The following H2BC1 variants were observed in gnomAD, a reference collection of about 807,000 sequenced individuals.
The protein encoded by H2BC1 is H2B clustered histone 1, also known as histone H2B type 1-A.
A neutral mutation model predicts 5.4 loss-of-function variants in H2BC1; 5 were observed. That is an observed-to-expected ratio of 0.92 (90% confidence interval 0.48 to 1.94). H2BC1 has a LOEUF of 1.94. H2BC1 is among the 30% of genes most tolerant of loss of function. The pLI is 0.01. For synonymous variants in H2BC1, 131 were observed against 58.2 expected (o/e 2.25, Z -5.69); for missense variants, 210 against 159.1 (o/e 1.32, Z -1.72).
rs368330635 is a variant in H2BC1, at chr6:25,726,803, C to T, written c.-106C>T. On this transcript the variant is annotated 5_prime_UTR_variant, in exon 1 of 1. Coordinates refer to ENST00000274764, the MANE Select transcript of H2BC1 (RefSeq NM_170610.3). ...TTTGTTTACTTGGCGAGACTTGGAG[C>T]TGAGGTCATTTGGAGCTGTTTAATA... 5.4e-5 allele frequency: 74 copies of T among 1,363,068 alleles called. No homozygotes were observed. Among genetic ancestry groups the T allele is most frequent in the African/African-American group, 1.0e-4 (7 of 68,706 alleles). 84.4% of individuals were successfully genotyped at this position (1,363,068 alleles called of 1,614,324 possible).
rs1043050690 is a variant in H2BC1 at position 25,726,819 on chromosome 6, C to T, written c.-90C>T. The T allele has an allele frequency of 4.6e-5, 65 of 1,426,232 alleles. No individual in the cohort carries two copies. Among genetic ancestry groups the T allele is most frequent in the African/African-American group, 1.0e-4 (7 of 69,920 alleles). 88.3% of individuals were successfully genotyped at this position (1,426,232 alleles called of 1,614,324 possible). ...GACTTGGAGCTGAGGTCATTTGGAG[C>T]TGTTTAATACTGAAGAGCTGTTGAG... On this transcript the variant is annotated 5_prime_UTR_variant, in exon 1 of 1. Coordinates refer to ENST00000274764, the MANE Select transcript of H2BC1 (RefSeq NM_170610.3).
rs781301296 is a variant in H2BC1 at position 25,726,859 on chromosome 6, G to A, written c.-50G>A. 5 of 1,566,484 alleles carry A rather than the reference G, an allele frequency of 3.2e-6. No individual in the cohort carries two copies. Among genetic ancestry groups the A allele is most frequent in the East Asian group, 2.2e-5 (1 of 44,606 alleles). On this transcript the variant is annotated 5_prime_UTR_variant, in exon 1 of 1. It adds an upstream start codon to the 5' untranslated region. Coordinates refer to ENST00000274764, the MANE Select transcript of H2BC1 (RefSeq NM_170610.3). ...GAGCTGTTGAGCACTGGAAAGTGCT[G>A]TGTAACCCTGGAAAAGAACCGTGTA...
rs538199092 is a variant in H2BC1 at position 25,726,847 on chromosome 6, C to T, written c.-62C>T. On this transcript the variant is annotated 5_prime_UTR_variant, in exon 1 of 1. Coordinates refer to ENST00000274764, the MANE Select transcript of H2BC1 (RefSeq NM_170610.3). ...TTTAATACTGAAGAGCTGTTGAGCACTGGAAAGTGCTGTGTAACCCTGGAA... is the reference window on the plus strand; with the variant it reads ...TTTAATACTGAAGAGCTGTTGAGCATTGGAAAGTGCTGTGTAACCCTGGAA... 6.8e-5 allele frequency: 105 copies of T among 1,542,868 alleles called. 1 individual carries two copies. The Middle Eastern group carries it at 1.2e-3, about 18-fold the overall frequency.
chr6:25,727,192 A>G lies in H2BC1; in HGVS notation c.284A>G (p.Glu95Gly), dbSNP rs1414423570. 1.2e-5 allele frequency: 20 copies of G among 1,614,132 alleles called. No individual in the cohort carries two copies. The highest frequency in any genetic ancestry group is 1.7e-5 in the Non-Finnish European group (20 of 1,180,024). The change falls in exon 1 of 1, where the codon GAG (glutamate) becomes GGG (glycine). Residue 95 changes from glutamate (E) to glycine (G), a missense_variant. Physicochemically the swap from Glu to Gly is moderately conservative, Grantham distance 98. Transcript: ENST00000274764. ...YSKRSTISSR[E>G]IQTAVRLLLP... ...AAGCGCTCCACCATTTCTTCCAGAGAGATTCAGACAGCAGTGCGCTTGCTA... is the reference window on the plus strand; with the variant it reads ...AAGCGCTCCACCATTTCTTCCAGAGGGATTCAGACAGCAGTGCGCTTGCTA...
In H2BC1 at chr6:25,726,899, T is replaced by C. The variant is rs1760271472; in HGVS notation, c.-10T>C. 8 of 1,607,602 alleles carry C rather than the reference T, an allele frequency of 5.0e-6. No individual in the cohort carries two copies. The highest frequency in any genetic ancestry group is 1.3e-5 in the African/African-American group (1 of 74,710). ...AGAACCGTGTAACGCTGCAGAAGTG[T>C]GTGGTAGCTATGCCGGAGGTGTCAT... On this transcript the variant is annotated 5_prime_UTR_variant, in exon 1 of 1. Transcript: ENST00000274764.
rs376615409 is a variant in H2BC1 at position 25,727,082 on chromosome 6, G to C, written c.174G>C (p.Ser58=). 3 of 1,614,092 alleles carry C rather than the reference G, an allele frequency of 1.9e-6. No homozygotes were observed. The highest frequency in any genetic ancestry group is 1.1e-5 in the South Asian group (1 of 91,086). ...TCCATCCGGACACTGGCATCTCTTC[G>C]AAAGCTATGAGCATTATGAATTCCT... ...KQVHPDTGIS[S]KAMSIMNSFV... is the part of the protein sequence containing the mutation. Residue 58 remains serine (S), a synonymous_variant, in exon 1 of 1, where the codon TCG becomes TCC. Transcript: ENST00000274764.
At position 25,727,319 on chromosome 6, in the gene H2BC1, C is replaced by G. The variant is rs770060140; in HGVS notation, c.*27C>G. ...CCTGCTAAGTAAACGTCATTTCTAACCCAAAGGCTCTTTTCAGAGCCACTT... is the reference window on the plus strand; with the variant it reads ...CCTGCTAAGTAAACGTCATTTCTAAGCCAAAGGCTCTTTTCAGAGCCACTT... On this transcript the variant is annotated 3_prime_UTR_variant, in exon 1 of 1. Coordinates refer to ENST00000274764, the MANE Select transcript of H2BC1 (RefSeq NM_170610.3). 1.0e-5 allele frequency: 16 copies of G among 1,549,156 alleles called. No individual in the cohort carries two copies. Among genetic ancestry groups the G allele is most frequent in the South Asian group, 2.5e-5 (2 of 79,484 alleles).
Position 25,726,807 on chromosome 6 carries a change from G to A in H2BC1, c.-102G>A, listed in dbSNP as rs915830421. ...TTTACTTGGCGAGACTTGGAGCTGAGGTCATTTGGAGCTGTTTAATACTGA... is the reference window on the plus strand; with the variant it reads ...TTTACTTGGCGAGACTTGGAGCTGAAGTCATTTGGAGCTGTTTAATACTGA... On this transcript the variant is annotated 5_prime_UTR_variant, in exon 1 of 1. Coordinates refer to ENST00000274764, the MANE Select transcript of H2BC1 (RefSeq NM_170610.3). 3.0e-5 allele frequency: 41 copies of A among 1,381,204 alleles called. No individual in the cohort carries two copies. The highest frequency in any genetic ancestry group is 4.3e-5 in the African/African-American group (3 of 69,068). 85.6% of individuals were successfully genotyped at this position (1,381,204 alleles called of 1,614,324 possible).
Position 25,726,842 on chromosome 6 carries a change from G to C in H2BC1, c.-67G>C, listed in dbSNP as rs569533687. On this transcript the variant is annotated 5_prime_UTR_variant, in exon 1 of 1. Coordinates refer to ENST00000274764, the MANE Select transcript of H2BC1 (RefSeq NM_170610.3). The stretch of plus-strand genomic sequence containing the variant: ...AGCTGTTTAATACTGAAGAGCTGTT[G>C]AGCACTGGAAAGTGCTGTGTAACCC... 6.6e-7 allele frequency: 1 copy of C among 1,518,872 alleles called. No individual in the cohort carries two copies. Among genetic ancestry groups the C allele is most frequent in the African/African-American group, 1.4e-5 (1 of 72,188 alleles). 94.1% of individuals were successfully genotyped at this position (1,518,872 alleles called of 1,614,324 possible). A position where few individuals can be genotyped will look rare whatever the true frequency, so the allele number is the denominator to read the frequency against.
chr6:25,726,959 G>A lies in H2BC1; in HGVS notation c.51G>A (p.Lys17=), dbSNP rs772810602. The A allele has an allele frequency of 3.1e-6, 5 of 1,614,086 alleles. No individual in the cohort carries two copies. Among genetic ancestry groups the A allele is most frequent in the East Asian group, 2.2e-5 (1 of 44,886 alleles). Residue 17 remains lysine (K), a synonymous_variant, in exon 1 of 1, where the codon AAG becomes AAA. Coordinates refer to ENST00000274764, the MANE Select transcript of H2BC1 (RefSeq NM_170610.3). The part of the protein sequence containing the change: ...KGATISKKGF[K]KAVVKTQKKE... ...CTACCATTTCCAAGAAGGGCTTTAA[G>A]AAAGCTGTCGTTAAGACCCAGAAAA...
rs749410404 is a variant in H2BC1 at position 25,727,321 on chromosome 6, C to G, written c.*29C>G. ...TGCTAAGTAAACGTCATTTCTAACC[C>G]AAAGGCTCTTTTCAGAGCCACTTAA... On this transcript the variant is annotated 3_prime_UTR_variant, in exon 1 of 1. Transcript: ENST00000274764. The G allele has an allele frequency of 3.2e-6, 5 of 1,547,960 alleles. No homozygotes were observed. The highest frequency in any genetic ancestry group is 1.4e-5 in the African/African-American group (1 of 72,910).
chr6:25,727,093 GC>G lies in H2BC1; in HGVS notation c.186del (p.Ser62ArgfsTer3). 6.2e-7 allele frequency: 1 copy of G among 1,614,236 alleles called. No homozygotes were observed. The highest frequency in any genetic ancestry group is 8.5e-7 in the Non-Finnish European group (1 of 1,180,038). On this transcript the variant is annotated frameshift_variant, in exon 1 of 1. Transcript: ENST00000274764. LOFTEE classifies it high-confidence loss of function. ...ACTGGCATCTCTTCGAAAGCTATGA[GC>G]ATTATGAATTCCTTCGTCACTGATA... ...PDTGISSKAM[S>X]IMNSFVTDIF...
chr6:25,726,780 T>C lies in H2BC1; in HGVS notation c.-129T>C, dbSNP rs2151390025. The C allele has an allele frequency of 8.0e-7, 1 of 1,250,830 alleles. No individual in the cohort carries two copies. The highest frequency in any genetic ancestry group is 1.5e-5 in the African/African-American group (1 of 66,782). The allele number at this position is 1,250,830 out of a possible 1,614,324, so 77.5% of individuals were successfully genotyped here. A position where few individuals can be genotyped will look rare whatever the true frequency, so the allele number is the denominator to read the frequency against. ...GCATCTTTCATCCTCCAGTTCTGTT[T>C]GTTTACTTGGCGAGACTTGGAGCTG... On this transcript the variant is annotated 5_prime_UTR_variant, in exon 1 of 1. Coordinates refer to ENST00000274764, the MANE Select transcript of H2BC1 (RefSeq NM_170610.3).
rs139546167 is a variant in H2BC1, at chr6:25,726,931, G to A, written c.23G>A (p.Gly8Asp). 5 of 1,613,692 alleles carry A rather than the reference G, an allele frequency of 3.1e-6. No homozygotes were observed. The highest frequency in any genetic ancestry group is 2.2e-5 in the South Asian group (2 of 90,948). Residue 8 changes from glycine (G) to aspartate (D), a missense_variant, in exon 1 of 1, where the codon GGT becomes GAT. Physicochemically the swap from Gly to Asp is moderately conservative, Grantham distance 94 (BLOSUM62 -1). Coordinates refer to ENST00000274764, the MANE Select transcript of H2BC1 (RefSeq NM_170610.3). MPEVSSKGATISKKGFKK... is the reference protein window; with the variant it reads MPEVSSKDATISKKGFKK... ...GCTATGCCGGAGGTGTCATCTAAAG[G>A]TGCTACCATTTCCAAGAAGGGCTTT...
In H2BC1 at chr6:25,727,285, C is replaced by T. The variant is rs201800096; in HGVS notation, c.377C>T (p.Ser126Phe). Residue 126 changes from serine (S) to phenylalanine (F), a missense_variant, in exon 1 of 1, where the codon TCC becomes TTC. By Grantham distance (155) the Ser-to-Phe change is radical (BLOSUM62 -2). Coordinates refer to ENST00000274764, the MANE Select transcript of H2BC1 (RefSeq NM_170610.3). ...AAGGCTGTCACTAAGTACACCAGCT[C>T]CAAGTAAGCCTGCTAAGTAAACGTC... ...GTKAVTKYTS[S>F]K 16 of 1,595,878 alleles carry T rather than the reference C, an allele frequency of 1.0e-5. No individual in the cohort carries two copies. In the East Asian group the frequency reaches 2.7e-4, roughly 27 times the overall value.
At position 25,727,004 on chromosome 6, in the gene H2BC1, G is replaced by C; in HGVS notation, c.96G>C (p.Lys32Asn). 1 of 1,614,200 alleles carries C rather than the reference G, an allele frequency of 6.2e-7. No individual in the cohort carries two copies. The highest frequency in any genetic ancestry group is 8.5e-7 in the Non-Finnish European group (1 of 1,180,040). Residue 32 changes from lysine to asparagine, a missense_variant, in exon 1 of 1, where the codon AAG (lysine) becomes AAC (asparagine). Lys to Asn is a moderately conservative substitution (Grantham distance 94). Coordinates refer to ENST00000274764, the MANE Select transcript of H2BC1 (RefSeq NM_170610.3). ...AGAAAAAGGAAGGCAAAAAGCGCAAGAGGACCCGTAAGGAGAGTTATTCTA... is the reference window on the plus strand; with the variant it reads ...AGAAAAAGGAAGGCAAAAAGCGCAACAGGACCCGTAAGGAGAGTTATTCTA... ...KTQKKEGKKR[K>N]RTRKESYSIY...
At position 25,727,067 on chromosome 6, in the gene H2BC1, C is replaced by T. The variant is rs186366344; in HGVS notation, c.159C>T (p.Asp53=). The change falls in exon 1 of 1, where the codon GAC becomes GAT. Residue 53 remains aspartate, a synonymous_variant. Coordinates refer to ENST00000274764, the MANE Select transcript of H2BC1 (RefSeq NM_170610.3). ...IYKVLKQVHP[D]TGISSKAMSI... ...AAGTGCTAAAGCAGGTCCATCCGGA[C>T]ACTGGCATCTCTTCGAAAGCTATGA... 4.3e-6 allele frequency: 7 copies of T among 1,614,262 alleles called. No individual in the cohort carries two copies. In the East Asian group the frequency reaches 1.3e-4, roughly 31 times the overall value.
In H2BC1 at chr6:25,726,800, G is replaced by T. The variant is rs546745719; in HGVS notation, c.-109G>T. 4.5e-5 allele frequency: 61 copies of T among 1,353,728 alleles called. No individual in the cohort carries two copies. In the African/African-American group the frequency reaches 7.3e-4, roughly 16 times the overall value. 83.9% of individuals were successfully genotyped at this position (1,353,728 alleles called of 1,614,324 possible). On this transcript the variant is annotated 5_prime_UTR_variant, in exon 1 of 1. Transcript: ENST00000274764. ...CTGTTTGTTTACTTGGCGAGACTTG[G>T]AGCTGAGGTCATTTGGAGCTGTTTA...
rs917196613 is a variant in H2BC1, at chr6:25,727,104, T to A, written c.196T>A (p.Ser66Thr). 1.9e-6 allele frequency: 3 copies of A among 1,614,128 alleles called. No individual in the cohort carries two copies. The African/African-American group carries it at 4.0e-5, about 22-fold the overall frequency. The change falls in exon 1 of 1, where the codon TCC becomes ACC. Residue 66 changes from serine to threonine, a missense_variant. Physicochemically the swap from Ser to Thr is moderately conservative, Grantham distance 58 (BLOSUM62 1). Coordinates refer to ENST00000274764, the MANE Select transcript of H2BC1 (RefSeq NM_170610.3). ...TTCGAAAGCTATGAGCATTATGAATTCCTTCGTCACTGATATCTTTGAGCG... is the reference window on the plus strand; with the variant it reads ...TTCGAAAGCTATGAGCATTATGAATACCTTCGTCACTGATATCTTTGAGCG... ...ISSKAMSIMN[S>T]FVTDIFERIA...
Sources: allele counts gnomAD v4.1 joint callset, GRCh38; gene constraint gnomAD v4.1.1; transcripts MANE v1.5; gene names NCBI Gene and HGNC (gene_info 2026-07-23, HGNC 2026-07-21).